Variants in BCL2L13 observed in about 807,000 individuals in gnomAD.
BCL2L13 encodes the protein BCL2 like 13, also known as bcl-2-like protein 13.
In BCL2L13, 13 loss-of-function variants were observed where a neutral mutation model predicts 25.8. The ratio of observed to expected loss-of-function variants is 0.50; its 90% confidence interval spans 0.33 to 0.80. BCL2L13 has a LOEUF of 0.80. BCL2L13 is among the 30% of genes least tolerant of loss of function. The probability of loss-of-function intolerance (pLI) is 0.02; values close to 1 mark genes in which losing one functional copy is unlikely to be tolerated. For synonymous variants in BCL2L13, 244 were observed against 230.3 expected (o/e 1.06, Z -0.54); for missense variants, 504 against 574.9 (o/e 0.88, Z 1.26).
At chr22:17,726,234 G>A (rs914646459) in intron 6 of BCL2L13, among the ~76,000 whole-genome samples, 3 of 151,910 alleles carry the variant, frequency 2.0e-5, no homozygotes, top group African/African-American at 7.3e-5. Flanking sequence ...GCCTATAATT[G>A]CAGCTACTGG....
At position 17,641,961 on chromosome 22, in the gene BCL2L13, G is replaced by A. The variant is rs1218707363; in HGVS notation, c.-51+3075G>A. Among the ~76,000 whole-genome samples the A allele has an allele frequency of 4.6e-5, 7 of 151,356 alleles. No homozygotes were observed. The East Asian group carries it at 5.8e-4, about 13-fold the overall frequency. On this transcript the variant is annotated intron_variant, in intron 1 of 6. Coordinates refer to ENST00000317582, the MANE Select transcript of BCL2L13 (RefSeq NM_015367.4). Reference sequence around the variant, plus strand: ...ACTACAGGCGCCCGCCACCACGCCCGGCTGATTTTTTGTATTTTTAGTAAA... The same window carrying A: ...ACTACAGGCGCCCGCCACCACGCCCAGCTGATTTTTTGTATTTTTAGTAAA...
intron 4 of BCL2L13, among the ~76,000 whole-genome samples, chr22:17,693,360 TATTTA>T (rs2060161243): frequency 7.4e-6 from 1 of 135,600 alleles, no homozygotes; most frequent in African/African-American, 2.7e-5. Context: ...TTTATTTATT[TATTTA>T]GTGTTTGTTT....
chr22:17,682,052 C>T (rs1300839127), intron 2 of BCL2L13, among the ~76,000 whole-genome samples: 1 of 152,090 alleles, frequency 6.6e-6, no homozygotes, highest in African/African-American at 2.4e-5. Flanking sequence ...GTATTGTTAT[C>T]ACTAAAACTA....
rs557662363 is a variant in BCL2L13, at chr22:17,681,635, C to T, written c.122-1579C>T. ...GGAGGAGGGGCCATTATTTTATTGA[C>T]ATTCTCTTAAGAGCCTGAAATCTCA... On this transcript the variant is annotated intron_variant, in intron 2 of 6. Transcript: ENST00000317582. Among the ~76,000 whole-genome samples the T allele has an allele frequency of 2.0e-5, 3 of 152,196 alleles. No homozygotes were observed. In the East Asian group the frequency reaches 5.8e-4, roughly 29 times the overall value.
intron 3 of BCL2L13, among the ~76,000 whole-genome samples, chr22:17,688,157 A>T (rs1198725141): frequency 6.6e-6 from 1 of 152,060 alleles, no homozygotes; most frequent in Non-Finnish European, 1.5e-5. Context: ...TGGTTTTGCC[A>T]TGATGCCCAG....
chr22:17,686,385 G>T (rs866042031), intron 3 of BCL2L13, among the ~76,000 whole-genome samples: 2 of 152,004 alleles, frequency 1.3e-5, no homozygotes, highest in Non-Finnish European at 2.9e-5. Context: ...AGGAAGCATA[G>T]GTTGTAGTGA....
chr22:17,715,151 TATATATATATATATATATA>T (rs1403052600), intron 6 of BCL2L13, among the ~76,000 whole-genome samples: 564 of 5,804 alleles, frequency 0.097, 16 homozygotes, highest in South Asian at 0.13. Context: ...TATATATATA[TATATATATATATATATATA>T]TTTTTTTTTT....
rs925574689 is a variant in BCL2L13 at position 17,661,051 on chromosome 22, T to G, written c.121+5219T>G. On this transcript the variant is annotated intron_variant, in intron 2 of 6. Transcript: ENST00000317582. Reference sequence around the variant, plus strand: ...GCTTTGGCCTCCCAAGTGCTAAGATTACAGGCATGAGCTTCTGCACCTGGC... The same window carrying G: ...GCTTTGGCCTCCCAAGTGCTAAGATGACAGGCATGAGCTTCTGCACCTGGC... 6.2e-4 allele frequency among the ~76,000 whole-genome samples: 90 copies of G among 145,858 alleles called. 3 individuals are homozygous for G. The highest frequency in any genetic ancestry group is 2.1e-3 in the African/African-American group (85 of 41,052).
chr22:17,724,096 G>C (rs539897331), intron 6 of BCL2L13, among the ~76,000 whole-genome samples: 1 of 151,968 alleles, frequency 6.6e-6, no homozygotes, highest in Non-Finnish European at 1.5e-5. Context: ...AACATAGAGA[G>C]ACCCGTCTCT....
chr22:17,668,147 A>G (rs2059295873), intron 2 of BCL2L13, among the ~76,000 whole-genome samples: 1 of 151,504 alleles, frequency 6.6e-6, no homozygotes, highest in Admixed American at 6.6e-5. Flanking sequence ...AGTAGCTGGG[A>G]TTACAGGCGC....
At chr22:17,639,856 C>CTTTTT (rs113964087) in intron 1 of BCL2L13, among the ~76,000 whole-genome samples, 10 of 140,912 alleles carry the variant, frequency 7.1e-5, no homozygotes, top group Admixed American at 2.1e-4. Context: ...TACCTTCTTT[C>CTTTTT]TTTTTTTTTT....
chr22:17,694,872 T>G (rs185623165), intron 4 of BCL2L13, among the ~76,000 whole-genome samples: 1 of 152,346 alleles, frequency 6.6e-6, no homozygotes, highest in East Asian at 1.9e-4. Flanking sequence ...GATTCTGTTT[T>G]CAGTCTGTGG....
rs73378774 is a variant in BCL2L13 at position 17,713,993 on chromosome 22, A to T, written c.600+11607A>T. Among the ~76,000 whole-genome samples the T allele has an allele frequency of 9.3e-3, 1,414 of 151,672 alleles. 17 individuals carry two copies. The highest frequency in any genetic ancestry group is 0.029 in the African/African-American group (1,211 of 41,424). On this transcript the variant is annotated intron_variant, in intron 6 of 6. Transcript: ENST00000317582. The stretch of plus-strand genomic sequence containing the variant: ...ACCCTATTTCTACCAAAAGTATTTT[A>T]AAAAAATTAGCCAGGTGTGGCTGGG...
chr22:17,673,395 T>C (rs13055718), intron 2 of BCL2L13, among the ~76,000 whole-genome samples: 20,350 of 143,452 alleles, frequency 0.14, 1,937 homozygotes, highest in Non-Finnish European at 0.21. Context: ...AGAGCCTCAC[T>C]CCGTCACTGT....
intron 3 of BCL2L13, among the ~76,000 whole-genome samples, chr22:17,685,435 G>C (rs894049532): frequency 2.6e-5 from 4 of 151,642 alleles, no homozygotes; most frequent in African/African-American, 9.7e-5. Context: ...TATTGGCCAG[G>C]CTGGTCTCCA....
At chr22:17,639,930 C>T (rs1228003643) in intron 1 of BCL2L13, among the ~76,000 whole-genome samples, 1 of 151,742 alleles carries the variant, frequency 6.6e-6, no homozygotes, top group African/African-American at 2.4e-5. Context: ...TCTCAGCTTA[C>T]CGCAACCTCC....
chr22:17,721,525 A>ATTG (rs1555897791), intron 6 of BCL2L13, among the ~76,000 whole-genome samples: 1 of 122,774 alleles, frequency 8.1e-6, no homozygotes. Context: ...CTTATAAGAA[A>ATTG]TTTTTTTTTT....
chr22:17,668,984 TG>T (rs2059327202), intron 2 of BCL2L13, among the ~76,000 whole-genome samples: 1 of 151,262 alleles, frequency 6.6e-6, no homozygotes, highest in African/African-American at 2.4e-5. Context: ...CACCCGAGGC[TG>T]GGTAATTTAT....
At chr22:17,718,095 G>C (rs1053458403) in intron 6 of BCL2L13, among the ~76,000 whole-genome samples, 1 of 146,302 alleles carries the variant, frequency 6.8e-6, no homozygotes, top group Non-Finnish European at 1.5e-5. Flanking sequence ...TCGAAAAGAA[G>C]AGAAGAGAAA....
Sources: allele counts gnomAD v4.1 joint callset (sites outside exome capture counted in the v4.1 genomes callset), GRCh38; gene constraint gnomAD v4.1.1; transcripts MANE v1.5; gene names NCBI Gene and HGNC (gene_info 2026-07-23, HGNC 2026-07-21).